The following C12orf42 variants were observed in gnomAD, a reference collection of about 807,000 sequenced individuals.
C12orf42 encodes the protein chromosome 12 open reading frame 42, also known as uncharacterized protein C12orf42.
In C12orf42, 25 loss-of-function variants were observed where a neutral mutation model predicts 21.6. The ratio of observed to expected loss-of-function variants is 1.16; its 90% CI spans 0.84 to 1.62. C12orf42 has a LOEUF of 1.62. Among genes scored for constraint, C12orf42 ranks in the 40% most tolerant of loss-of-function variants. The pLI is 0.00. For missense variants in C12orf42, 483 were observed against 459.3 expected, an observed-to-expected ratio of 1.05 and a Z score of -0.47; for synonymous variants, 174 against 175.0, an observed-to-expected ratio of 0.99 and a Z score of 0.05.
At chr12:103,286,082 A>G (rs1411338883) in intron 4 of C12orf42, among the ~76,000 whole-genome samples, 3 of 151,910 alleles carry the variant, frequency 2.0e-5, no homozygotes, top group South Asian at 2.1e-4. Context: ...CATCTTTACT[A>G]AAAATACAAA....
intron 1 of C12orf42, among the ~76,000 whole-genome samples, chr12:103,485,161 GC>G (rs1467208579): frequency 6.6e-6 from 1 of 151,934 alleles, no homozygotes; most frequent in Non-Finnish European, 1.5e-5. Flanking sequence ...GAGCCACCGT[GC>G]CCGGCCCAGT....
chr12:103,318,894 C>A (rs984342933), intron 4 of C12orf42, among the ~76,000 whole-genome samples: 2 of 152,200 alleles, frequency 1.3e-5, no homozygotes, highest in African/African-American at 4.8e-5. Flanking sequence ...TCTGGTGAAG[C>A]AGTATTTTGC....
At chr12:103,236,128 A>T (rs1216966071), downstream of C12orf42, among the ~76,000 whole-genome samples, 2 of 152,124 alleles carry the variant, frequency 1.3e-5, no homozygotes, top group East Asian at 3.8e-4. Flanking sequence ...TAAATATTCT[A>T]ATTACCTGTC....
At chr12:103,398,142 T>C (rs957540605) in intron 3 of C12orf42, among the ~76,000 whole-genome samples, 18 of 152,250 alleles carry the variant, frequency 1.2e-4, no homozygotes, top group African/African-American at 4.3e-4. Flanking sequence ...CAGCAGCTTA[T>C]GTGAGACTCT....
the C12orf42 span, among the ~76,000 whole-genome samples, chr12:103,199,161 A>T: frequency 6.6e-6 from 1 of 152,208 alleles, no homozygotes; most frequent in East Asian, 1.9e-4. Flanking sequence ...AAATCCAGGC[A>T]TATATGGTCA....
At chr12:103,197,120 T>C in the C12orf42 span, among the ~76,000 whole-genome samples, 34 of 152,224 alleles carry the variant, frequency 2.2e-4, no homozygotes, top group Non-Finnish European at 3.4e-4. Context: ...GTGGTAACAA[T>C]TTCCCTTAGC....
At chr12:103,534,858 G>A in the C12orf42 span, among the ~76,000 whole-genome samples, 4 of 152,292 alleles carry the variant, frequency 2.6e-5, no homozygotes, top group African/African-American at 9.6e-5. Flanking sequence ...TTACTGTTCA[G>A]TATGATAAAG....
the C12orf42 span, among the ~76,000 whole-genome samples, chr12:103,510,619 G>C: frequency 6.6e-6 from 1 of 152,126 alleles, no homozygotes; most frequent in Non-Finnish European, 1.5e-5. Context: ...TTCTGCCACG[G>C]AGATATAAGT....
chr12:103,369,026 C>CA (rs749355737), intron 3 of C12orf42, 28 bp from the exon 4 acceptor site: 22 of 1,327,156 alleles, frequency 1.7e-5, no homozygotes, highest in African/African-American at 3.0e-5. Flanking sequence ...AAAATACACA[C>CA]AAAAAAATTA....
intron 10 of C12orf42, among the ~76,000 whole-genome samples, chr12:103,253,873 G>A (rs1565996508): frequency 1.3e-5 from 2 of 151,170 alleles, no homozygotes; most frequent in Admixed American, 1.3e-4. Flanking sequence ...CATTCTAGAT[G>A]TTAGGCCTTT....
At chr12:103,224,812 T>G in the C12orf42 span, among the ~76,000 whole-genome samples, 1 of 152,200 alleles carries the variant, frequency 6.6e-6, no homozygotes, top group Non-Finnish European at 1.5e-5. Flanking sequence ...TCAAGTTGTT[T>G]GCACAGAAAG....
chr12:103,195,979 G>C, the C12orf42 span, among the ~76,000 whole-genome samples: 212 of 152,020 alleles, frequency 1.4e-3, 2 homozygotes, highest in East Asian at 0.013. Flanking sequence ...AAAAGGAAGG[G>C]GTCCAGTTTC....
At chr12:103,114,241 T>G in the C12orf42 span, among the ~76,000 whole-genome samples, 10 of 152,224 alleles carry the variant, frequency 6.6e-5, no homozygotes, top group African/African-American at 2.4e-4. Context: ...CAACTTTGTG[T>G]TTTACGTTTT....
the C12orf42 span, among the ~76,000 whole-genome samples, chr12:103,137,101 G>A: frequency 6.6e-6 from 1 of 151,994 alleles, no homozygotes; most frequent in Non-Finnish European, 1.5e-5. Flanking sequence ...CTGTTGAATG[G>A]AATAAAATAT....
chr12:103,435,769 G>C (rs1256864004), intron 2 of C12orf42, among the ~76,000 whole-genome samples: 1 of 152,092 alleles, frequency 6.6e-6, no homozygotes, highest in Non-Finnish European at 1.5e-5. Context: ...CCAAATCTAC[G>C]TCTGATTGGT....
chr12:103,430,352 T>A (rs4015536), intron 2 of C12orf42, among the ~76,000 whole-genome samples: 125,479 of 152,226 alleles, frequency 0.82, 51,744 homozygotes, highest in Admixed American at 0.88. Context: ...GCCAACAATC[T>A]TATGAAGAAA....
the C12orf42 span, among the ~76,000 whole-genome samples, chr12:103,221,760 A>G: frequency 6.6e-6 from 1 of 152,186 alleles, no homozygotes; most frequent in African/African-American, 2.4e-5. Flanking sequence ...TTCAGCATTT[A>G]TAACGTGAGG....
intron 10 of C12orf42, among the ~76,000 whole-genome samples, chr12:103,239,564 T>A (rs1215625386): frequency 6.6e-6 from 1 of 152,188 alleles, no homozygotes; most frequent in Non-Finnish European, 1.5e-5. Context: ...TCCCTTCGTG[T>A]TTCCTACCAT....
rs146437524 is a variant in C12orf42 at position 103,417,830 on chromosome 12, G to A, written c.79-16155C>T. 7.9e-5 allele frequency among the ~76,000 whole-genome samples: 12 copies of A among 152,224 alleles called. No individual in the cohort carries two copies. The East Asian group carries it at 2.3e-3, about 29-fold the overall frequency. On this transcript the variant is annotated intron_variant, in intron 2 of 5. Coordinates refer to ENST00000548883, the MANE Select transcript of C12orf42 (RefSeq NM_198521.5). Reference sequence around the variant, plus strand: ...GTGGATAGAAAGATAATGAATCATTGGATAAATGGGTGAATGTATGCAGGA... The same window carrying A: ...GTGGATAGAAAGATAATGAATCATTAGATAAATGGGTGAATGTATGCAGGA...
Sources: allele counts gnomAD v4.1 joint callset (sites outside exome capture counted in the v4.1 genomes callset), GRCh38; gene constraint gnomAD v4.1.1; transcripts MANE v1.5; gene names NCBI Gene and HGNC (gene_info 2026-07-23, HGNC 2026-07-21).